DRD2: variants seen among roughly 807,000 people sequenced by gnomAD.
DRD2 encodes the protein dopamine receptor D2.
DRD2 carries 8 observed loss-of-function variants against 38.0 expected under a neutral mutation model. That is an observed-to-expected ratio of 0.21 (90% CI 0.12 to 0.38). The LOEUF (loss-of-function observed/expected upper bound fraction) is 0.38. DRD2 is among the 10% of genes least tolerant of loss of function. The pLI, the probability that DRD2 is intolerant of heterozygous loss-of-function variation, is 1.00. For missense variants in DRD2, 403 were observed against 607.7 expected (o/e 0.66, Z 3.54); for synonymous variants, 230 against 238.6 (o/e 0.96, Z 0.33).
intron 1 of DRD2, among the ~76,000 whole-genome samples, chr11:113,440,635 G>A (rs1197835285): frequency 6.6e-6 from 1 of 152,214 alleles, no homozygotes; most frequent in African/African-American, 2.4e-5. Flanking sequence ...AGGCATGAGA[G>A]CTACTCTGCC....
intron 1 of DRD2, among the ~76,000 whole-genome samples, chr11:113,473,066 A>C (rs186994714): frequency 2.4e-4 from 37 of 152,306 alleles, no homozygotes; most frequent in Admixed American, 2.2e-3. Flanking sequence ...TAATTTTATA[A>C]ATTTCAAATG....
chr11:113,468,013 G>A (rs1258811655), intron 1 of DRD2, among the ~76,000 whole-genome samples: 1 of 152,216 alleles, frequency 6.6e-6, no homozygotes, highest in Non-Finnish European at 1.5e-5. Context: ...ACAGCTCAAA[G>A]TGTTGTTTCT....
intron 1 of DRD2, among the ~76,000 whole-genome samples, chr11:113,466,150 C>T (rs1951366996): frequency 6.6e-6 from 1 of 152,206 alleles, no homozygotes; most frequent in Non-Finnish European, 1.5e-5. Flanking sequence ...CTCTGAACCA[C>T]TTTGTTTAAC....
intron 1 of DRD2, among the ~76,000 whole-genome samples, chr11:113,448,896 T>G (rs549958247): frequency 1.3e-5 from 2 of 152,280 alleles, no homozygotes; most frequent in East Asian, 3.9e-4. Context: ...CAAGAGTTTC[T>G]TCTCAACCCT....
intron 1 of DRD2, among the ~76,000 whole-genome samples, chr11:113,473,850 A>G (rs1951451211): frequency 6.6e-6 from 1 of 152,228 alleles, no homozygotes; most frequent in South Asian, 2.1e-4. Context: ...CTAATGCTGC[A>G]GGATGAATCA....
chr11:113,452,593 C>T (rs1321069648), intron 1 of DRD2, among the ~76,000 whole-genome samples: 4 of 151,970 alleles, frequency 2.6e-5, no homozygotes, highest in Non-Finnish European at 5.9e-5. Flanking sequence ...TGACCACTGA[C>T]CACTGACCAC....
At chr11:113,465,276 G>C (rs1158241592) in intron 1 of DRD2, among the ~76,000 whole-genome samples, 2 of 152,144 alleles carry the variant, frequency 1.3e-5, no homozygotes, top group Non-Finnish European at 2.9e-5. Flanking sequence ...AAGTTTTGTA[G>C]TAGAGATGAG....
At chr11:113,412,447 C>A in intron 7 of DRD2, 109 bp downstream of exon 7, 1 of 1,391,336 alleles carries the variant, frequency 7.2e-7, no homozygotes, top group Non-Finnish European at 9.9e-7. Context: ...TTGGCCTGTG[C>A]CTGAGGAAAT....
intron 1 of DRD2, among the ~76,000 whole-genome samples, chr11:113,440,914 A>C (rs748571112): frequency 3.9e-5 from 6 of 152,204 alleles, no homozygotes; most frequent in African/African-American, 9.6e-5. Flanking sequence ...GTCATGGCAA[A>C]CAACATAATG....
chr11:113,441,977 G>C (rs115908467), intron 1 of DRD2, among the ~76,000 whole-genome samples: 4,903 of 151,088 alleles, frequency 0.032, 272 homozygotes, highest in African/African-American at 0.11. Flanking sequence ...ACACCTCCAC[G>C]CTTGTTCCCC....
At chr11:113,452,457 TGTGTGTGTGTGTGCGCGCGCGC>T (rs1210532132) in intron 1 of DRD2, among the ~76,000 whole-genome samples, 11 of 100,002 alleles carry the variant, frequency 1.1e-4, no homozygotes, top group South Asian at 3.6e-4. Flanking sequence ...TGTGTGTGTG[TGTGTGTGTGTGTGCGCGCGCGC>T]GCGCGCGCAC....
At chr11:113,452,439 T>TGC (rs777398473) in intron 1 of DRD2, among the ~76,000 whole-genome samples, 3 of 52,054 alleles carry the variant, frequency 5.8e-5, no homozygotes, top group Non-Finnish European at 1.5e-4. Context: ...TGCATGCGTG[T>TGC]GTGTGTGTGT....
intron 1 of DRD2, among the ~76,000 whole-genome samples, chr11:113,455,514 A>C (rs1178737250): frequency 1.3e-5 from 2 of 152,196 alleles, no homozygotes; most frequent in Admixed American, 1.3e-4. Context: ...AATTGAGAGA[A>C]AATATTTGCA....
intron 1 of DRD2, among the ~76,000 whole-genome samples, chr11:113,444,454 G>A (rs1591292446): frequency 3.9e-5 from 6 of 152,214 alleles, no homozygotes; most frequent in Admixed American, 3.9e-4. Flanking sequence ...TGAATTCCCT[G>A]TTTAAAGAAC....
intron 1 of DRD2, among the ~76,000 whole-genome samples, chr11:113,433,274 G>A (rs367675792): frequency 4.8e-4 from 73 of 152,152 alleles, no homozygotes; most frequent in Middle Eastern, 6.8e-3. Context: ...GTCTGGCCCC[G>A]GTGTCAGCAG....
rs527964390 is a variant in DRD2, at chr11:113,456,573, A to T, written c.-32+18503T>A. ...TTTCAATAAAAATACAATTTTTTTT[A>T]AAAAAAGAAGAAAATCCTGTCACAT... On this transcript the variant is annotated intron_variant, in intron 1 of 7. Coordinates refer to ENST00000362072, the MANE Select transcript of DRD2 (RefSeq NM_000795.4). Among the ~76,000 whole-genome samples, 165 of 152,228 alleles carry T rather than the reference A, an allele frequency of 1.1e-3. 1 individual carries two copies. Among genetic ancestry groups the T allele is most frequent in the African/African-American group, 3.2e-3 (134 of 41,550 alleles).
At chr11:113,458,659 A>ATG (rs932776522) in intron 1 of DRD2, among the ~76,000 whole-genome samples, 31 of 152,194 alleles carry the variant, frequency 2.0e-4, no homozygotes, top group African/African-American at 7.2e-4. Context: ...GTGTGTGTGC[A>ATG]TGTGTGTGTG....
chr11:113,425,093 A>T, intron 1 of DRD2: 2 of 217,894 alleles, frequency 9.2e-6, no homozygotes, highest in Non-Finnish European at 1.9e-5. Flanking sequence ...TGTTCTATAT[A>T]GTTCTAGAAA....
At chr11:113,438,144 CCT>C (rs1324811135) in intron 1 of DRD2, among the ~76,000 whole-genome samples, 1 of 152,300 alleles carries the variant, frequency 6.6e-6, no homozygotes, top group East Asian at 1.9e-4. Context: ...GGAGTCACTT[CCT>C]CTGTCCCTGG....
Sources: gnomAD v4.1 joint callset for allele counts (sites outside exome capture counted in the v4.1 genomes callset) on GRCh38, gnomAD v4.1.1 for gene constraint, MANE v1.5 for transcripts, NCBI Gene and HGNC (gene_info 2026-07-23, HGNC 2026-07-21) for gene names.